The following KIAA0825 variants were observed in gnomAD, a reference collection of about 807,000 sequenced individuals.
KIAA0825 encodes the protein KIAA0825.
In KIAA0825, 119 loss-of-function variants were observed where a neutral mutation model predicts 147.6. The ratio of observed to expected loss-of-function variants is 0.81; its 90% CI spans 0.69 to 0.94. KIAA0825 has a LOEUF of 0.94. KIAA0825 is among the 40% of genes least tolerant of loss of function. The pLI, the probability that KIAA0825 is intolerant of heterozygous loss-of-function variation, is 0.00. For missense variants in KIAA0825, 1,381 were observed against 1,472.7 expected, an observed-to-expected ratio of 0.94 and a Z score of 1.02; for synonymous variants, 470 against 518.1, an observed-to-expected ratio of 0.91 and a Z score of 1.26.
intron 20 of KIAA0825, among the ~76,000 whole-genome samples, chr5:94,378,254 C>T (rs1379704822): frequency 6.6e-6 from 1 of 152,134 alleles, no homozygotes; most frequent in African/African-American, 2.4e-5. Context: ...CTTCCTCCTC[C>T]CACTCCCTAC....
intron 8 of KIAA0825, among the ~76,000 whole-genome samples, chr5:94,472,762 CA>C (rs940176330): frequency 5.3e-5 from 8 of 151,858 alleles, no homozygotes; most frequent in African/African-American, 1.7e-4. Flanking sequence ...CAAAACAAAA[CA>C]AAAAAAGAAT....
chr5:94,173,389 C>G (rs1768812486), intron 20 of KIAA0825, among the ~76,000 whole-genome samples: 1 of 152,194 alleles, frequency 6.6e-6, no homozygotes, highest in African/African-American at 2.4e-5. Flanking sequence ...AGACACTCAT[C>G]TGAGGCATCT....
chr5:94,550,352 C>T (rs530890306), intron 2 of KIAA0825, among the ~76,000 whole-genome samples: 1 of 152,268 alleles, frequency 6.6e-6, no homozygotes, highest in East Asian at 1.9e-4. Context: ...CCAAACTGAA[C>T]ATAGATTACA....
chr5:94,427,057 T>TA (rs1754982562), intron 14 of KIAA0825, among the ~76,000 whole-genome samples: 1 of 152,044 alleles, frequency 6.6e-6, no homozygotes, highest in Non-Finnish European at 1.5e-5. Context: ...GTCTTGTATA[T>TA]AAAAAAAATT....
chr5:94,601,031 C>T lies in KIAA0825; in HGVS notation c.-153+17469G>A, dbSNP rs116462891. Among the ~76,000 whole-genome samples, 1,328 of 152,230 alleles carry T rather than the reference C, an allele frequency of 8.7e-3. 15 individuals carry two copies. Among genetic ancestry groups the T allele is most frequent in the African/African-American group, 0.03 (1,253 of 41,524 alleles). On this transcript the variant is annotated intron_variant, in intron 1 of 20. Coordinates refer to ENST00000682413, the MANE Select transcript of KIAA0825 (RefSeq NM_001145678.3). ...TCCAGCCTCTAGGCTTCAGAAAGCCCAACCTGATGCGGGGGCAGAAAGAGT... is the reference window on the plus strand; with the variant it reads ...TCCAGCCTCTAGGCTTCAGAAAGCCTAACCTGATGCGGGGGCAGAAAGAGT...
chr5:94,390,688 G>T (rs1426875136), intron 18 of KIAA0825, among the ~76,000 whole-genome samples: 1 of 152,106 alleles, frequency 6.6e-6, no homozygotes, highest in Non-Finnish European at 1.5e-5. Context: ...CTAATGGTGG[G>T]CAAAACGTTT....
intron 2 of KIAA0825, among the ~76,000 whole-genome samples, chr5:94,560,445 T>C (rs1777345504): frequency 6.6e-6 from 1 of 152,208 alleles, no homozygotes; most frequent in African/African-American, 2.4e-5. Context: ...TGCCCTAGTA[T>C]CTTAAATCAA....
intron 20 of KIAA0825, among the ~76,000 whole-genome samples, chr5:94,362,649 T>C (rs1745232752): frequency 1.4e-5 from 2 of 141,700 alleles, no homozygotes; most frequent in African/African-American, 4.9e-5. Flanking sequence ...ACCTCTATTA[T>C]AGCTATACCC....
chr5:94,540,324 T>G (rs1218822992), intron 2 of KIAA0825, among the ~76,000 whole-genome samples: 1 of 152,246 alleles, frequency 6.6e-6, no homozygotes, highest in Non-Finnish European at 1.5e-5. Flanking sequence ...GGACACCTTG[T>G]AAGCCCACTT....
At chr5:94,534,761 C>T (rs1417208613) in intron 3 of KIAA0825, among the ~76,000 whole-genome samples, 4 of 152,032 alleles carry the variant, frequency 2.6e-5, no homozygotes, top group African/African-American at 9.7e-5. Context: ...CAATCCAGAA[C>T]AAAAGCATCA....
chr5:94,392,238 A>AT (rs1303147118), intron 17 of KIAA0825, among the ~76,000 whole-genome samples: 17 of 152,274 alleles, frequency 1.1e-4, no homozygotes, highest in African/African-American at 2.4e-5. Flanking sequence ...GGTATTTTAA[A>AT]TTGGCCTTTG....
rs1335735216 is a variant in KIAA0825 at position 94,396,463 on chromosome 5, C to CATACAAATAA, written c.2933_2934insTTATTTGTAT (p.Lys978AsnfsTer17). The stretch of plus-strand genomic sequence containing the variant: ...GCAAACATGCAATCACCGTAGGTAA[C>CATACAAATAA]TTGCTGATTACAATAGATACTGCCT... On this transcript the variant is annotated frameshift_variant, in exon 17 of 21. Coordinates refer to ENST00000682413, the MANE Select transcript of KIAA0825 (RefSeq NM_001145678.3). LOFTEE classifies it high-confidence loss of function. 2 of 1,532,732 alleles carry CATACAAATAA rather than the reference C, an allele frequency of 1.3e-6. No homozygotes were observed. Among genetic ancestry groups the CATACAAATAA allele is most frequent in the Non-Finnish European group, 1.8e-6 (2 of 1,138,958 alleles). The allele number at this position is 1,532,732 out of a possible 1,614,324, so 94.9% of individuals were successfully genotyped here.
intron 20 of KIAA0825, among the ~76,000 whole-genome samples, chr5:94,354,790 A>G (rs1784070316): frequency 6.6e-6 from 1 of 152,252 alleles, no homozygotes; most frequent in African/African-American, 2.4e-5. Context: ...CTTACAGTGT[A>G]TAAAAATCTC....
At chr5:94,238,524 T>C (rs72771626) in intron 20 of KIAA0825, among the ~76,000 whole-genome samples, 5,809 of 152,232 alleles carry the variant, frequency 0.038, 183 homozygotes, top group East Asian at 0.12. Flanking sequence ...AGAGTTTTGG[T>C]TATGTTCACT....
At chr5:94,284,176 T>C (rs1777572207) in intron 20 of KIAA0825, among the ~76,000 whole-genome samples, 2 of 152,130 alleles carry the variant, frequency 1.3e-5, no homozygotes, top group Admixed American at 6.6e-5. Context: ...ACTTTCCCAT[T>C]TGATATTTTC....
At chr5:94,396,600 T>C in intron 16 of KIAA0825, 91 bp from the exon 17 acceptor site, 1 of 1,040,988 alleles carries the variant, frequency 9.6e-7, no homozygotes, top group Non-Finnish European at 1.3e-6. Context: ...CTAATTTTTG[T>C]GGAGAAAATT....
intron 15 of KIAA0825, among the ~76,000 whole-genome samples, chr5:94,411,247 A>G (rs1457659381): frequency 6.6e-6 from 1 of 152,136 alleles, no homozygotes; most frequent in Non-Finnish European, 1.5e-5. Flanking sequence ...GAATACTGAC[A>G]AATACTCAAC....
chr5:94,380,184 A>G (rs1748203353), intron 20 of KIAA0825, among the ~76,000 whole-genome samples: 1 of 152,184 alleles, frequency 6.6e-6, no homozygotes, highest in African/African-American at 2.4e-5. Context: ...CTATTACAAC[A>G]GACATTTTAA....
rs1406329117 is a variant in KIAA0825 at position 94,397,451 on chromosome 5, G to A, written c.2888-942C>T. Among the ~76,000 whole-genome samples the A allele has an allele frequency of 2.6e-5, 4 of 152,310 alleles. No individual in the cohort carries two copies. In the South Asian group the frequency reaches 6.2e-4, roughly 24 times the overall value. ...CAGCCTTAGAAGATTATTCAAATAT[G>A]TGTTGGACCTAGTTTTTACAAACTT... On this transcript the variant is annotated intron_variant, in intron 16 of 20. Transcript: ENST00000682413.
Sources: allele counts gnomAD v4.1 joint callset (sites outside exome capture counted in the v4.1 genomes callset), GRCh38; gene constraint gnomAD v4.1.1; transcripts MANE v1.5; gene names NCBI Gene and HGNC (gene_info 2026-07-23, HGNC 2026-07-21).